SRPK2: variants seen among roughly 807,000 people sequenced by gnomAD.
The protein encoded by SRPK2 is SFRS protein kinase 2.
SRPK2 carries 21 observed loss-of-function variants against 90.8 expected under a neutral mutation model. That is an observed-to-expected ratio of 0.23 (90% CI 0.16 to 0.33). The LOEUF (loss-of-function observed/expected upper bound fraction) is 0.33. Among genes scored for constraint, SRPK2 ranks in the 10% least tolerant of loss-of-function variants. The pLI is 1.00. For synonymous variants in SRPK2, 288 were observed against 311.1 expected, an observed-to-expected ratio of 0.93 and a Z score of 0.78; for missense variants, 620 against 869.0, an observed-to-expected ratio of 0.71 and a Z score of 3.60.
intron 3 of SRPK2, among the ~76,000 whole-genome samples, chr7:105,173,669 A>G (rs756030432): frequency 8.5e-5 from 13 of 152,210 alleles, no homozygotes; most frequent in Non-Finnish European, 1.6e-4. Context: ...CCCAGCACAC[A>G]AGAAAACAAG....
At chr7:105,217,439 TCACAGAAGA>T (rs1434196601) in intron 2 of SRPK2, among the ~76,000 whole-genome samples, 6 of 152,208 alleles carry the variant, frequency 3.9e-5, no homozygotes, top group South Asian at 2.1e-4. Flanking sequence ...TCTCTTGCAT[TCACAGAAGA>T]CACAGAAGAC....
At chr7:105,121,222 GTAATC>G (rs1800313337) in intron 15 of SRPK2, among the ~76,000 whole-genome samples, 1 of 151,990 alleles carries the variant, frequency 6.6e-6, no homozygotes, top group Non-Finnish European at 1.5e-5. Flanking sequence ...GTGCACACCT[GTAATC>G]CCAGCTACTT....
chr7:105,179,562 T>A (rs1481569016), intron 3 of SRPK2, among the ~76,000 whole-genome samples: 1 of 152,140 alleles, frequency 6.6e-6, no homozygotes, highest in Non-Finnish European at 1.5e-5. Flanking sequence ...TGGTGGCTAA[T>A]GTCTGTAATC....
At chr7:105,283,284 G>A (rs1205168790) in intron 2 of SRPK2, among the ~76,000 whole-genome samples, 1 of 152,092 alleles carries the variant, frequency 6.6e-6, no homozygotes, top group East Asian at 1.9e-4. Flanking sequence ...CTCCTCCTAG[G>A]TATATACCCA....
At chr7:105,384,881 CTTT>C (rs139772496) in intron 2 of SRPK2, among the ~76,000 whole-genome samples, 1 of 145,314 alleles carries the variant, frequency 6.9e-6, no homozygotes, top group African/African-American at 2.5e-5. Context: ...ACATAGCAAC[CTTT>C]TTTTTTTTTT....
intron 2 of SRPK2, among the ~76,000 whole-genome samples, chr7:105,213,849 A>T (rs1398435073): frequency 6.6e-6 from 1 of 152,204 alleles, no homozygotes; most frequent in Non-Finnish European, 1.5e-5. Context: ...GAAATAATGT[A>T]AGATGTACCA....
intron 2 of SRPK2, among the ~76,000 whole-genome samples, chr7:105,358,727 T>C (rs961479961): frequency 7.9e-5 from 12 of 151,870 alleles, no homozygotes; most frequent in Non-Finnish European, 1.6e-4. Flanking sequence ...GAAGAGAAAA[T>C]ATATTTACTA....
chr7:105,114,877 T>G (rs1799540355), downstream of SRPK2, among the ~76,000 whole-genome samples: 1 of 152,210 alleles, frequency 6.6e-6, no homozygotes, highest in South Asian at 2.1e-4. Context: ...TTTGCCATCC[T>G]CAATTTGTCC....
intron 3 of SRPK2, among the ~76,000 whole-genome samples, chr7:105,179,659 C>T (rs568546378): frequency 5.3e-5 from 8 of 151,574 alleles, no homozygotes; most frequent in Non-Finnish European, 1.2e-4. Flanking sequence ...ACCGCATCTC[C>T]ACTAAAAATA....
chr7:105,300,917 T>G (rs934871400), intron 2 of SRPK2, among the ~76,000 whole-genome samples: 2 of 152,166 alleles, frequency 1.3e-5, no homozygotes, highest in African/African-American at 4.8e-5. Context: ...ACACTGTTGG[T>G]GGGACTGTAA....
chr7:105,177,176 A>C (rs1792080635), intron 3 of SRPK2, among the ~76,000 whole-genome samples: 1 of 152,212 alleles, frequency 6.6e-6, no homozygotes, highest in Non-Finnish European at 1.5e-5. Flanking sequence ...GAAAATAAAA[A>C]CATGATATGC....
At chr7:105,392,792 C>A (rs1244936966), upstream of SRPK2, among the ~76,000 whole-genome samples, 2 of 151,520 alleles carry the variant, frequency 1.3e-5, no homozygotes, top group Non-Finnish European at 2.9e-5. Context: ...ACCACTATAC[C>A]CAGACTTAAG....
At chr7:105,262,947 T>C (rs1804515627) in intron 2 of SRPK2, among the ~76,000 whole-genome samples, 1 of 152,144 alleles carries the variant, frequency 6.6e-6, no homozygotes, top group Admixed American at 6.5e-5. Flanking sequence ...AAACTGACAA[T>C]ACCCACTAAA....
At chr7:105,336,514 A>G (rs1815107460) in intron 2 of SRPK2, among the ~76,000 whole-genome samples, 1 of 152,202 alleles carries the variant, frequency 6.6e-6, no homozygotes, top group Admixed American at 6.5e-5. Context: ...GGGTATTACC[A>G]TCTTTTTACA....
At chr7:105,227,418 G>A (rs1260855237) in intron 2 of SRPK2, among the ~76,000 whole-genome samples, 1 of 152,070 alleles carries the variant, frequency 6.6e-6, no homozygotes, top group East Asian at 1.9e-4. Context: ...AAAAAGCAAA[G>A]GATCTGAATA....
At chr7:105,398,890 A>G (rs1281641446) in intron 1 of SRPK2, among the ~76,000 whole-genome samples, 3 of 152,214 alleles carry the variant, frequency 2.0e-5, no homozygotes, top group Non-Finnish European at 1.5e-5. Context: ...AAATGTAGAT[A>G]GTAATATTAC....
rs73407877 is a variant in SRPK2, at chr7:105,293,073, G to A, written c.72-89288C>T. On this transcript the variant is annotated intron_variant, in intron 2 of 15. Transcript: ENST00000393651. ...CAAGGGGGAGGAGGGAGGGGGGCGC[G>A]GATCACCTGAGGTCAGGAGTTCGAG... is the stretch of plus-strand genomic sequence containing the variant. 3.2e-3 allele frequency among the ~76,000 whole-genome samples: 494 copies of A among 152,084 alleles called. 3 individuals are homozygous for A. Among genetic ancestry groups the A allele is most frequent in the African/African-American group, 0.011 (472 of 41,474 alleles).
chr7:105,180,890 C>A (rs1264859191), intron 3 of SRPK2, among the ~76,000 whole-genome samples: 1 of 152,110 alleles, frequency 6.6e-6, no homozygotes, highest in Non-Finnish European at 1.5e-5. Flanking sequence ...ACAAAGGGAA[C>A]CTAAGAACTT....
chr7:105,154,219 C>A (rs1806166089), intron 7 of SRPK2, among the ~76,000 whole-genome samples: 2 of 152,236 alleles, frequency 1.3e-5, no homozygotes, highest in Non-Finnish European at 2.9e-5. Context: ...CTGTGCCCAG[C>A]ACTGGGACTG....
Sources: allele counts gnomAD v4.1 joint callset (sites outside exome capture counted in the v4.1 genomes callset), GRCh38; gene constraint gnomAD v4.1.1; transcripts MANE v1.5; gene names NCBI Gene and HGNC (gene_info 2026-07-23, HGNC 2026-07-21).